The following ITGA9 variants were observed in gnomAD, a reference collection of about 807,000 sequenced individuals.
ITGA9 encodes integrin alpha-9.
In ITGA9, 56 loss-of-function variants were observed where a neutral mutation model predicts 127.8. That is an observed-to-expected ratio of 0.44 (90% CI 0.35 to 0.55). The LOEUF (loss-of-function observed/expected upper bound fraction) is 0.55. ITGA9 is among the 20% of genes least tolerant of loss of function. The pLI, the probability that ITGA9 is intolerant of heterozygous loss-of-function variation, is 0.00. For synonymous variants in ITGA9, 508 were observed against 514.5 expected, an observed-to-expected ratio of 0.99 and a Z score of 0.17; for missense variants, 1,196 against 1,347.1, an observed-to-expected ratio of 0.89 and a Z score of 1.76.
chr3:37,736,170 G>C (rs1010605417), intron 19 of ITGA9, among the ~76,000 whole-genome samples: 2 of 152,028 alleles, frequency 1.3e-5, no homozygotes, highest in East Asian at 3.9e-4. Context: ...ACCTTCCAAA[G>C]ACCCCATCTC....
intron 15 of ITGA9, among the ~76,000 whole-genome samples, chr3:37,572,986 C>T (rs2125605831): frequency 6.6e-6 from 1 of 152,280 alleles, no homozygotes; most frequent in East Asian, 1.9e-4. Flanking sequence ...CATATCTGGC[C>T]TCACACTTCA....
intron 3 of ITGA9, among the ~76,000 whole-genome samples, chr3:37,473,816 ACCATATGC>A (rs113540595): frequency 5.3e-5 from 8 of 152,296 alleles, no homozygotes; most frequent in African/African-American, 1.7e-4. Context: ...CACCTGTGTA[ACCATATGC>A]CCACTGAGAT....
chr3:37,648,731 A>G lies in ITGA9; in HGVS notation c.1840-4983A>G, dbSNP rs72857269. On this transcript the variant is annotated intron_variant, in intron 16 of 27. Coordinates refer to ENST00000264741, the MANE Select transcript of ITGA9 (RefSeq NM_002207.3). ...AAATGAAAGGACACTAAATAGCACAAGAGAGCATAATAAAGAAGGAAACTC... is the reference window on the plus strand; with the variant it reads ...AAATGAAAGGACACTAAATAGCACAGGAGAGCATAATAAAGAAGGAAACTC... Among the ~76,000 whole-genome samples the G allele has an allele frequency of 6.5e-3, 995 of 152,326 alleles. 13 individuals are homozygous for G. The highest frequency in any genetic ancestry group is 0.023 in the African/African-American group (936 of 41,570).
intron 26 of ITGA9, among the ~76,000 whole-genome samples, chr3:37,791,062 G>C (rs1575239415): frequency 2.0e-5 from 3 of 152,078 alleles, no homozygotes; most frequent in Non-Finnish European, 2.9e-5. Flanking sequence ...GCCATAAAAA[G>C]TTATCAGGTG....
At chr3:37,562,378 T>C (rs551869535) in intron 15 of ITGA9, among the ~76,000 whole-genome samples, 1 of 152,354 alleles carries the variant, frequency 6.6e-6, no homozygotes, top group South Asian at 2.1e-4. Flanking sequence ...TTTTGGAACT[T>C]ATTCCACTAT....
rs534167042 is a variant in ITGA9, at chr3:37,736,305, C to T, written c.2155-599C>T. On this transcript the variant is annotated intron_variant, in intron 19 of 27. Transcript: ENST00000264741. ...CCAATCCTAGCCACACTCAGGAGAA[C>T]GTCTCCAATCCTGCTAGCACATCTT... Among the ~76,000 whole-genome samples the T allele has an allele frequency of 1.9e-4, 29 of 152,274 alleles. 1 individual carries two copies. Among genetic ancestry groups the T allele is most frequent in the African/African-American group, 6.0e-4 (25 of 41,538 alleles).
At position 37,820,232 on chromosome 3, in the gene ITGA9, C is replaced by G. The variant is rs1347256253; in HGVS notation, c.*1243C>G. 6.6e-6 allele frequency: 1 copy of G among 152,202 alleles called. No homozygotes were observed. Among genetic ancestry groups the G allele is most frequent in the Non-Finnish European group, 1.5e-5 (1 of 68,046 alleles). 9.4% of individuals were successfully genotyped at this position (152,202 alleles called of 1,614,324 possible). A position where few individuals can be genotyped will look rare whatever the true frequency, so the allele number is the denominator to read the frequency against. ...AGAGCTCCATGAAGTTTAGCCTCAGCCTGATCAGGGGAACTCCGGAGGAAA... is the reference window on the plus strand; with the variant it reads ...AGAGCTCCATGAAGTTTAGCCTCAGGCTGATCAGGGGAACTCCGGAGGAAA... On this transcript the variant is annotated 3_prime_UTR_variant, in exon 28 of 28. Coordinates refer to ENST00000264741, the MANE Select transcript of ITGA9 (RefSeq NM_002207.3).
At chr3:37,737,017 T>C (rs1239511000) in intron 20 of ITGA9, 34 bp downstream of exon 20, 1 of 1,363,098 alleles carries the variant, frequency 7.3e-7, no homozygotes, top group Non-Finnish European at 1.0e-6. Flanking sequence ...TTTTCAAAGA[T>C]GAGAGATTTA....
At chr3:37,472,752 AAG>A (rs1403753347) in intron 2 of ITGA9, among the ~76,000 whole-genome samples, 1 of 152,192 alleles carries the variant, frequency 6.6e-6, no homozygotes, top group East Asian at 1.9e-4. Context: ...TTAGCAGAAA[AAG>A]AGGTTTGTGA....
intron 15 of ITGA9, among the ~76,000 whole-genome samples, chr3:37,617,354 C>T (rs1008322198): frequency 1.3e-5 from 2 of 152,222 alleles, no homozygotes; most frequent in African/African-American, 4.8e-5. Context: ...ATGGGCTTCC[C>T]TTTGTGGGTA....
chr3:37,575,241 T>C (rs1288550285), intron 15 of ITGA9, among the ~76,000 whole-genome samples: 1 of 152,170 alleles, frequency 6.6e-6, no homozygotes, highest in Non-Finnish European at 1.5e-5. Context: ...GTTTGGGGGC[T>C]GCAGGGGTCT....
intron 9 of ITGA9, among the ~76,000 whole-genome samples, chr3:37,515,838 A>G (rs1439738772): frequency 1.3e-5 from 2 of 152,096 alleles, no homozygotes; most frequent in South Asian, 2.1e-4. Context: ...GTAGTGAGCT[A>G]TGATTGCACC....
At chr3:37,676,783 G>C (rs1305368020) in intron 17 of ITGA9, among the ~76,000 whole-genome samples, 1 of 152,192 alleles carries the variant, frequency 6.6e-6, no homozygotes, top group Non-Finnish European at 1.5e-5. Flanking sequence ...ATCTGGATGT[G>C]CCCTACACAT....
At chr3:37,472,674 G>A (rs942562265) in intron 2 of ITGA9, among the ~76,000 whole-genome samples, 12 of 152,138 alleles carry the variant, frequency 7.9e-5, no homozygotes, top group African/African-American at 2.9e-4. Context: ...GGGATTACAG[G>A]TGTGAGCCAC....
chr3:37,465,257 C>G (rs1029922208), intron 1 of ITGA9, among the ~76,000 whole-genome samples: 4 of 152,140 alleles, frequency 2.6e-5, no homozygotes, highest in Non-Finnish European at 5.9e-5. Flanking sequence ...AATTTACCTG[C>G]AGATTACCCT....
chr3:37,664,571 C>T (rs1700567524), intron 17 of ITGA9, among the ~76,000 whole-genome samples: 1 of 151,926 alleles, frequency 6.6e-6, no homozygotes, highest in African/African-American at 2.4e-5. Context: ...CAGGCATGCA[C>T]CACCATGCCT....
chr3:37,595,422 C>T (rs1470117491), intron 15 of ITGA9, among the ~76,000 whole-genome samples: 2 of 152,182 alleles, frequency 1.3e-5, no homozygotes, highest in East Asian at 3.9e-4. Flanking sequence ...CTACACAGAG[C>T]AAACAACCAA....
At chr3:37,549,013 A>T (rs763110993) in intron 15 of ITGA9, among the ~76,000 whole-genome samples, 3 of 152,218 alleles carry the variant, frequency 2.0e-5, no homozygotes, top group Non-Finnish European at 4.4e-5. Flanking sequence ...GCCGCTGCTC[A>T]TGCGATATGC....
At position 37,569,615 on chromosome 3, in the gene ITGA9, T is replaced by C. The variant is rs148033743; in HGVS notation, c.1689+27030T>C. ...GCTGTTGACAGAATGTTGGTACAGA[T>C]TGAGCATCCTTAATCTGAAAATCTG... On this transcript the variant is annotated intron_variant, in intron 15 of 27. Transcript: ENST00000264741. Among the ~76,000 whole-genome samples, 49 of 152,320 alleles carry C rather than the reference T, an allele frequency of 3.2e-4. 1 individual carries two copies. In the East Asian group the frequency reaches 8.3e-3, roughly 26 times the overall value.
Sources: allele counts gnomAD v4.1 joint callset (sites outside exome capture counted in the v4.1 genomes callset), GRCh38; gene constraint gnomAD v4.1.1; transcripts MANE v1.5; gene names NCBI Gene and HGNC (gene_info 2026-07-23, HGNC 2026-07-21).